RANBP3: variants seen among roughly 807,000 people sequenced by gnomAD.
The protein encoded by RANBP3 is RAN binding protein 3, also known as ran-binding protein 3.
RANBP3 carries 14 observed loss-of-function variants against 77.3 expected under a neutral mutation model. The ratio of observed to expected loss-of-function variants is 0.18; its 90% CI spans 0.12 to 0.28. The LOEUF (loss-of-function observed/expected upper bound fraction) is 0.28, where lower values mean the gene tolerates loss of function less well. Among genes scored for constraint, RANBP3 ranks in the 10% least tolerant of loss-of-function variants. RANBP3 has a pLI of 1.00. For synonymous variants in RANBP3, 315 were observed against 312.4 expected (o/e 1.01, Z -0.09); for missense variants, 586 against 752.3 (o/e 0.78, Z 2.59).
At chr19:5,943,703 G>A (rs897056849) in intron 3 of RANBP3, among the ~76,000 whole-genome samples, 1 of 152,156 alleles carries the variant, frequency 6.6e-6, no homozygotes, top group African/African-American at 2.4e-5. Flanking sequence ...GTTCTGAGGG[G>A]GCTTTGGAAA....
At chr19:5,977,216 T>G (rs1022338358) in intron 1 of RANBP3, among the ~76,000 whole-genome samples, 2 of 151,162 alleles carry the variant, frequency 1.3e-5, no homozygotes, top group African/African-American at 4.9e-5. Context: ...GGGGGGGAGC[T>G]AAAAATAGGC....
intron 5 of RANBP3, among the ~76,000 whole-genome samples, chr19:5,938,979 G>A (rs1444286321): frequency 6.6e-6 from 1 of 152,154 alleles, no homozygotes; most frequent in Non-Finnish European, 1.5e-5. Context: ...GAGGTCAGGA[G>A]TTGGAGACCA....
At chr19:5,933,837 C>A in intron 5 of RANBP3, 1 of 187,960 alleles carries the variant, frequency 5.3e-6, no homozygotes, top group Non-Finnish European at 1.1e-5. Context: ...CCACGGAACA[C>A]AGGCGCTCAG....
Position 5,917,227 on chromosome 19 carries a change from TG to T in RANBP3, c.*382del. ...ACAAAGGCAGGGCCCCACAGCAGGGTGGGAAGGGTGTGGGTGGCGGAGAAGC... is the reference window on the plus strand; with the variant it reads ...ACAAAGGCAGGGCCCCACAGCAGGGTGGAAGGGTGTGGGTGGCGGAGAAGC... On this transcript the variant is annotated 3_prime_UTR_variant, in exon 17 of 17. Coordinates refer to ENST00000340578, the MANE Select transcript of RANBP3 (RefSeq NM_007322.3). 3.2e-6 allele frequency: 1 copy of T among 313,410 alleles called. No individual in the cohort carries two copies. Among genetic ancestry groups the T allele is most frequent in the South Asian group, 3.0e-5 (1 of 33,276 alleles). The allele number at this position is 313,410 out of a possible 1,614,324, so 19.4% of individuals were successfully genotyped here.
intron 1 of RANBP3, among the ~76,000 whole-genome samples, chr19:5,974,837 G>C (rs972647272): frequency 6.6e-6 from 1 of 152,240 alleles, no homozygotes; most frequent in Middle Eastern, 3.4e-3. Flanking sequence ...GAGCATCTGC[G>C]GTTTCAGGAA....
At chr19:5,975,843 G>A (rs139245178) in intron 1 of RANBP3, among the ~76,000 whole-genome samples, 1 of 151,912 alleles carries the variant, frequency 6.6e-6, no homozygotes, top group East Asian at 1.9e-4. Flanking sequence ...GGAATCAGCA[G>A]GAGAAAAGGC....
intron 9 of RANBP3, among the ~76,000 whole-genome samples, chr19:5,926,289 G>A (rs1388265634): frequency 2.0e-5 from 3 of 152,170 alleles, no homozygotes; most frequent in East Asian, 1.9e-4. Context: ...GCTCGTGCCT[G>A]TAATACCAGC....
At chr19:5,935,600 G>A (rs1599742868) in intron 5 of RANBP3, 5 of 422,914 alleles carry the variant, frequency 1.2e-5, no homozygotes, top group Non-Finnish European at 1.4e-5. Context: ...TCCGTGCAGC[G>A]CTGGCGCTAA....
At chr19:5,945,021 C>T (rs181125150) in intron 3 of RANBP3, among the ~76,000 whole-genome samples, 333 of 152,264 alleles carry the variant, frequency 2.2e-3, no homozygotes, top group Non-Finnish European at 3.3e-3. Flanking sequence ...TTCCCTCAAG[C>T]GAGAATGAAC....
At chr19:5,943,991 C>T (rs1219830716) in intron 3 of RANBP3, among the ~76,000 whole-genome samples, 2 of 151,756 alleles carry the variant, frequency 1.3e-5, no homozygotes, top group Admixed American at 6.5e-5. Context: ...CAGTGTATTC[C>T]GGCTCTGCCA....
At chr19:5,938,462 G>C (rs533132161) in intron 5 of RANBP3, among the ~76,000 whole-genome samples, 8 of 152,306 alleles carry the variant, frequency 5.3e-5, no homozygotes, top group African/African-American at 1.9e-4. Context: ...GGCTGAGGCG[G>C]GAAGCTCGCT....
At chr19:5,962,514 T>C (rs1384790088) in intron 1 of RANBP3, among the ~76,000 whole-genome samples, 3 of 152,044 alleles carry the variant, frequency 2.0e-5, no homozygotes, top group African/African-American at 4.8e-5. Context: ...GAATGAAATG[T>C]CACACGCCGC....
At chr19:5,931,029 C>T (rs1171924561) in intron 8 of RANBP3, among the ~76,000 whole-genome samples, 1 of 152,150 alleles carries the variant, frequency 6.6e-6, no homozygotes, top group African/African-American at 2.4e-5. Flanking sequence ...GTTCCTCGGG[C>T]CCTAGTGACT....
In RANBP3 at chr19:5,928,006, C is replaced by A. The variant is rs528212129; in HGVS notation, c.775G>T (p.Ala259Ser). 1 of 1,613,834 alleles carries A rather than the reference C, an allele frequency of 6.2e-7. No individual in the cohort carries two copies. Among genetic ancestry groups the A allele is most frequent in the Non-Finnish European group, 8.5e-7 (1 of 1,179,842 alleles). ...CEKKDPATQQ[A>S]FVFGQNLRDR... ...CTCAAGTTCTGCCCAAATACAAAGG[C>A]TTGCTGTGTGGCGGGGTCTTTTTTC... Residue 259 changes from alanine to serine, a missense_variant, in exon 9 of 17, where the codon GCC (alanine) becomes TCC (serine). This residue lies in a region of RANBP3 where 232 missense variants were observed against 271.7 expected (regional missense o/e 0.85). Coordinates refer to ENST00000340578, the MANE Select transcript of RANBP3 (RefSeq NM_007322.3).
At position 5,921,902 on chromosome 19, in the gene RANBP3, C is replaced by A. The variant is rs1196959459; in HGVS notation, c.1210-581G>T. On this transcript the variant is annotated intron_variant, in intron 13 of 16. Transcript: ENST00000340578. This position sits in a 1 kb window ranked among gnomAD's most constrained non-coding sequence, Gnocchi z 5.3. ...AAGAACAAGGCTCCGACCCCCGCTG[C>A]AACGTGGATGAACCTCTGGCTCAGC... Among the ~76,000 whole-genome samples, 1 of 152,224 alleles carries A rather than the reference C, an allele frequency of 6.6e-6. No homozygotes were observed. The highest frequency in any genetic ancestry group is 1.5e-5 in the Non-Finnish European group (1 of 68,044).
At chr19:5,966,265 G>C (rs894028707) in intron 1 of RANBP3, among the ~76,000 whole-genome samples, 3 of 152,150 alleles carry the variant, frequency 2.0e-5, no homozygotes. Context: ...ATGAGTTCCG[G>C]GGTCAGTGAA....
At position 5,917,229 on chromosome 19, in the gene RANBP3, G is replaced by T; in HGVS notation, c.*381C>A. On this transcript the variant is annotated 3_prime_UTR_variant, in exon 17 of 17. Transcript: ENST00000340578. ...AAAGGCAGGGCCCCACAGCAGGGTG[G>T]GAAGGGTGTGGGTGGCGGAGAAGCC... 3.0e-6 allele frequency: 1 copy of T among 336,934 alleles called. No homozygotes were observed. Among genetic ancestry groups the T allele is most frequent in the Non-Finnish European group, 5.7e-6 (1 of 176,666 alleles). 20.9% of individuals were successfully genotyped at this position (336,934 alleles called of 1,614,324 possible). A position where few individuals can be genotyped will look rare whatever the true frequency, so the allele number is the denominator to read the frequency against.
chr19:5,960,115 A>C (rs2058381792), intron 1 of RANBP3, among the ~76,000 whole-genome samples: 1 of 151,762 alleles, frequency 6.6e-6, no homozygotes, highest in African/African-American at 2.4e-5. Context: ...GGGGCCTTGG[A>C]CCAGAGCCAA....
At chr19:5,928,145 C>T (rs940695122) in intron 8 of RANBP3, 58 bp from the exon 9 acceptor site, 46 of 1,567,344 alleles carry the variant, frequency 2.9e-5, no homozygotes, top group South Asian at 4.8e-5. Context: ...TTGGCCCAGA[C>T]GGATGCCCAG....
Sources: allele counts gnomAD v4.1 joint callset (sites outside exome capture counted in the v4.1 genomes callset), GRCh38; gene constraint gnomAD v4.1.1; regional missense constraint gnomAD v4.1.1; non-coding constraint Gnocchi (gnomAD v3.1); transcripts MANE v1.5; gene names NCBI Gene and HGNC (gene_info 2026-07-23, HGNC 2026-07-21).